CSNK1G1: variants seen among roughly 807,000 people sequenced by gnomAD.
The protein encoded by CSNK1G1 is casein kinase 1 gamma 1.
A neutral mutation model predicts 59.6 loss-of-function variants in CSNK1G1; 22 were observed. The ratio of observed to expected loss-of-function variants is 0.37; its 90% CI spans 0.26 to 0.53. The LOEUF (loss-of-function observed/expected upper bound fraction) is 0.53, where lower values mean the gene tolerates loss of function less well. Ranked by LOEUF, CSNK1G1 falls within the 20% of genes least tolerant of loss-of-function variation. The pLI is 0.89. For missense variants in CSNK1G1, 384 were observed against 519.5 expected (o/e 0.74, Z 2.54); for synonymous variants, 179 against 177.1 (o/e 1.01, Z -0.08).
chr15:64,237,534 C>T (rs1271397836), intron 4 of CSNK1G1, among the ~76,000 whole-genome samples: 1 of 152,130 alleles, frequency 6.6e-6, no homozygotes, highest in Non-Finnish European at 1.5e-5. Flanking sequence ...TCACAACTAC[C>T]TGTGTTAAAA....
intron 5 of CSNK1G1, among the ~76,000 whole-genome samples, chr15:64,215,379 A>T (rs1198883969): frequency 6.6e-6 from 1 of 151,488 alleles, no homozygotes; most frequent in Non-Finnish European, 1.5e-5. Context: ...CGCCCAGCTA[A>T]TTTTTTGTAT....
At chr15:64,264,136 G>A (rs1390235980) in intron 2 of CSNK1G1, among the ~76,000 whole-genome samples, 3 of 152,132 alleles carry the variant, frequency 2.0e-5, no homozygotes, top group Non-Finnish European at 4.4e-5. Flanking sequence ...TAAGATTATA[G>A]ATAATCCTAA....
rs139022088 is a variant in CSNK1G1, at chr15:64,303,842, A to G, written c.-224-3119T>C. Among the ~76,000 whole-genome samples, 689 of 150,036 alleles carry G rather than the reference A, an allele frequency of 4.6e-3. 7 individuals carry two copies. Among genetic ancestry groups the G allele is most frequent in the African/African-American group, 0.015 (610 of 40,846 alleles). ...GCTGAAGTTGGAGAATTGCTTGAGC[A>G]TGGGAGGTTCAAGGACGCAGTGAGC... is the stretch of plus-strand genomic sequence containing the variant. On this transcript the variant is annotated intron_variant, in intron 1 of 11. Coordinates refer to ENST00000303052, the MANE Select transcript of CSNK1G1 (RefSeq NM_022048.5).
intron 2 of CSNK1G1, among the ~76,000 whole-genome samples, chr15:64,278,010 T>C (rs867828723): frequency 6.9e-6 from 1 of 144,920 alleles, no homozygotes; most frequent in South Asian, 2.1e-4. Context: ...TATTGATATA[T>C]TTGAATAATA....
chr15:64,315,243 A>C (rs773387952), intron 1 of CSNK1G1, among the ~76,000 whole-genome samples: 9 of 152,328 alleles, frequency 5.9e-5, no homozygotes, highest in Middle Eastern at 3.4e-3. Context: ...CAACCTTGTC[A>C]AGAGCTAGGG....
intron 4 of CSNK1G1, among the ~76,000 whole-genome samples, chr15:64,248,716 G>A (rs1185777006): frequency 2.6e-5 from 4 of 152,150 alleles, no homozygotes; most frequent in Non-Finnish European, 5.9e-5. Flanking sequence ...CAGGCACGGC[G>A]GCTCACATCT....
At chr15:64,335,568 T>C (rs1897347004) in intron 1 of CSNK1G1, among the ~76,000 whole-genome samples, 2 of 152,204 alleles carry the variant, frequency 1.3e-5, no homozygotes, top group African/African-American at 4.8e-5. Flanking sequence ...ATCTACCTCC[T>C]AAAGAATCAG....
chr15:64,207,988 C>A (rs1364922765), intron 6 of CSNK1G1, among the ~76,000 whole-genome samples: 1 of 152,160 alleles, frequency 6.6e-6, no homozygotes, highest in African/African-American at 2.4e-5. Context: ...GATTAAGCAA[C>A]CCAAACTGTT....
At chr15:64,230,905 C>T (rs995802390) in intron 4 of CSNK1G1, among the ~76,000 whole-genome samples, 5 of 151,868 alleles carry the variant, frequency 3.3e-5, no homozygotes, top group Non-Finnish European at 5.9e-5. Context: ...ACCCAGGAGG[C>T]AGAGGTTGCA....
Position 64,216,651 on chromosome 15 carries a change from C to G in CSNK1G1, c.355G>C (p.Glu119Gln). ...TCCTCCAAGCTAGGGCCAAGGAGCT[C>G]CAGCACCATGGCATTATATTTCCCA... ...PCGKYNAMVL[E>Q]LLGPSLEDLF... Residue 119 changes from glutamate to glutamine, a missense_variant, in exon 5 of 12, where the codon GAG becomes CAG. By Grantham distance (29) the Glu-to-Gln change is conservative. Transcript: ENST00000303052. This position sits in a 1 kb window ranked among gnomAD's most constrained non-coding sequence, Gnocchi z 4.6. The G allele has an allele frequency of 6.2e-7, 1 of 1,613,698 alleles. No individual in the cohort carries two copies. Among genetic ancestry groups the G allele is most frequent in the Non-Finnish European group, 8.5e-7 (1 of 1,179,654 alleles).
intron 2 of CSNK1G1, among the ~76,000 whole-genome samples, chr15:64,288,933 G>GAAA (rs1364007848): frequency 6.6e-6 from 1 of 151,952 alleles, no homozygotes; most frequent in African/African-American, 2.4e-5. Context: ...CCAGGACTTT[G>GAAA]GGAAGCCAAG....
At chr15:64,259,497 C>T (rs1040361442) in intron 2 of CSNK1G1, among the ~76,000 whole-genome samples, 1 of 150,226 alleles carries the variant, frequency 6.7e-6, no homozygotes. Flanking sequence ...CACACACACA[C>T]ACACACACAC....
intron 10 of CSNK1G1, among the ~76,000 whole-genome samples, chr15:64,201,190 T>A (rs772454208): frequency 4.1e-5 from 6 of 147,812 alleles, no homozygotes; most frequent in Non-Finnish European, 8.9e-5. Context: ...GAGAATTGCT[T>A]GAATCTGGGA....
intron 2 of CSNK1G1, among the ~76,000 whole-genome samples, chr15:64,278,667 T>C (rs1893940279): frequency 6.6e-6 from 1 of 152,138 alleles, no homozygotes; most frequent in African/African-American, 2.4e-5. Context: ...GACCTCGTGA[T>C]CTGCCCGCCT....
intron 1 of CSNK1G1, among the ~76,000 whole-genome samples, chr15:64,315,362 A>G (rs1459634668): frequency 6.6e-6 from 1 of 152,214 alleles, no homozygotes; most frequent in East Asian, 1.9e-4. Flanking sequence ...AGGTAGCAGG[A>G]GTCCATTGTT....
Position 64,200,599 on chromosome 15 carries a change from G to A in CSNK1G1, c.1107+2483C>T, listed in dbSNP as rs547702829. On this transcript the variant is annotated intron_variant, in intron 10 of 11. Transcript: ENST00000303052. The surrounding 1 kb of genome is among the most constrained non-coding windows in gnomAD (Gnocchi z 4.3). Reference sequence around the variant, plus strand: ...GACCTCAGGTGATCGACCCGCCTCGGCCTCCCAAAGTGCTGGGATTACAGG... The same window carrying A: ...GACCTCAGGTGATCGACCCGCCTCGACCTCCCAAAGTGCTGGGATTACAGG... Among the ~76,000 whole-genome samples the A allele has an allele frequency of 8.7e-4, 132 of 152,268 alleles. 1 individual carries two copies. The highest frequency in any genetic ancestry group is 5.6e-3 in the East Asian group (29 of 5,164).
At chr15:64,286,324 T>C (rs890019627) in intron 2 of CSNK1G1, among the ~76,000 whole-genome samples, 2 of 151,876 alleles carry the variant, frequency 1.3e-5, no homozygotes, top group Non-Finnish European at 2.9e-5. Flanking sequence ...TCTGCTGATA[T>C]TGTTAACATG....
At chr15:64,298,091 AG>A (rs1302752933) in intron 2 of CSNK1G1, among the ~76,000 whole-genome samples, 1 of 152,234 alleles carries the variant, frequency 6.6e-6, no homozygotes, top group Non-Finnish European at 1.5e-5. Context: ...AAATTATCTC[AG>A]ATTCAAAGAG....
chr15:64,168,321 T>C lies in CSNK1G1; in HGVS notation c.*3610A>G, dbSNP rs1432360438. 1 of 152,632 alleles carries C rather than the reference T, an allele frequency of 6.6e-6. No homozygotes were observed. The highest frequency in any genetic ancestry group is 1.5e-5 in the Non-Finnish European group (1 of 68,048). The allele number at this position is 152,632 out of a possible 1,614,324, so 9.5% of individuals were successfully genotyped here. On this transcript the variant is annotated 3_prime_UTR_variant, in exon 12 of 12. Coordinates refer to ENST00000303052, the MANE Select transcript of CSNK1G1 (RefSeq NM_022048.5). The stretch of plus-strand genomic sequence containing the variant: ...GAGTGCACACTGGCTGTCAGGATAC[T>C]CTATCCACCCTTGGGGGCAGTCTGG...
Sources: gnomAD v4.1 joint callset for allele counts (sites outside exome capture counted in the v4.1 genomes callset) on GRCh38, gnomAD v4.1.1 for gene constraint, Gnocchi (gnomAD v3.1) non-coding constraint, MANE v1.5 for transcripts, NCBI Gene and HGNC (gene_info 2026-07-23, HGNC 2026-07-21) for gene names.